The following TRPM6 variants were observed in gnomAD, a reference collection of about 807,000 sequenced individuals.
TRPM6 encodes the protein transient receptor potential cation channel subfamily M member 6.
A neutral mutation model predicts 247.6 loss-of-function variants in TRPM6; 111 were observed. That is an observed-to-expected ratio of 0.45 (90% CI 0.38 to 0.52). The LOEUF (loss-of-function observed/expected upper bound fraction) is 0.52. Ranked by LOEUF, TRPM6 falls within the 20% of genes least tolerant of loss-of-function variation. TRPM6 has a pLI of 0.00. For synonymous variants in TRPM6, 892 were observed against 853.8 expected (o/e 1.04, Z -0.78); for missense variants, 2,126 against 2,421.5 (o/e 0.88, Z 2.56).
At position 74,752,267 on chromosome 9, in the gene TRPM6, A is replaced by G. The variant is rs368240301; in HGVS notation, c.4998+10T>C. On this transcript the variant is annotated intron_variant, in intron 29 of 38. Transcript: ENST00000360774. ...AATGCTTTTTTTTTTAACTCCTAAA[A>G]TATTTTTACCTCTTGAGACTGCTTT... The G allele has an allele frequency of 6.5e-7, 1 of 1,528,916 alleles. No homozygotes were observed. Among genetic ancestry groups the G allele is most frequent in the Non-Finnish European group, 9.0e-7 (1 of 1,108,504 alleles). The allele number at this position is 1,528,916 out of a possible 1,614,324, so 94.7% of individuals were successfully genotyped here. A position where few individuals can be genotyped will look rare whatever the true frequency, so the allele number is the denominator to read the frequency against.
Position 74,722,692 on chromosome 9 carries a change from A to G in TRPM6, c.*1921T>C, listed in dbSNP as rs1397819932. 1 of 152,156 alleles carries G rather than the reference A, an allele frequency of 6.6e-6. No individual in the cohort carries two copies. Among genetic ancestry groups the G allele is most frequent in the Non-Finnish European group, 1.5e-5 (1 of 68,026 alleles). The allele number at this position is 152,156 out of a possible 1,614,324, so 9.4% of individuals were successfully genotyped here. Reference sequence around the variant, plus strand: ...AGGATAAAGTTGTTAAGTCCCCAAAAAAGTATTAACATTTTATCCTCATTG... The same window carrying G: ...AGGATAAAGTTGTTAAGTCCCCAAAGAAGTATTAACATTTTATCCTCATTG... On this transcript the variant is annotated 3_prime_UTR_variant, in exon 39 of 39. Transcript: ENST00000360774.
intron 11 of TRPM6, among the ~76,000 whole-genome samples, chr9:74,815,909 A>G (rs1373100090): frequency 6.6e-6 from 1 of 152,250 alleles, no homozygotes; most frequent in African/African-American, 2.4e-5. Context: ...TTTAAAATGA[A>G]TGTTAATAGT....
At chr9:74,776,471 C>G (rs1385775811) in intron 23 of TRPM6, among the ~76,000 whole-genome samples, 1 of 152,106 alleles carries the variant, frequency 6.6e-6, no homozygotes, top group Non-Finnish European at 1.5e-5. Context: ...TATCATCTAC[C>G]TAATGTCAAA....
rs777702496 is a variant in TRPM6 at position 74,821,745 on chromosome 9, G to T, written c.934C>A (p.Pro312Thr). 1.2e-6 allele frequency: 2 copies of T among 1,614,006 alleles called. No homozygotes were observed. The highest frequency in any genetic ancestry group is 1.7e-6 in the Non-Finnish European group (2 of 1,180,026). Reference protein sequence around the residue: ...SVWETVKDKDPVVVCEGTGRA... With the variant: ...SVWETVKDKDTVVVCEGTGRA... ...CCTGTGCCCTCACACACCACCACTG[G>T]GTCCTTGTCCTTGACAGTCTCCCAC... The change falls in exon 8 of 39, where the codon CCA becomes ACA. Residue 312 changes from proline to threonine, a missense_variant. By Grantham distance (38) the Pro-to-Thr change is conservative. This residue lies in a region of TRPM6 where 1,082 missense variants were observed against 1,307.9 expected (regional missense o/e 0.83). Transcript: ENST00000360774.
chr9:74,805,570 C>T (rs994927301), intron 14 of TRPM6, among the ~76,000 whole-genome samples: 4 of 152,214 alleles, frequency 2.6e-5, no homozygotes, highest in Admixed American at 6.5e-5. Context: ...GTGACAAATA[C>T]GTGCTATCTG....
At chr9:74,881,582 T>G (rs1831365726) in intron 1 of TRPM6, among the ~76,000 whole-genome samples, 1 of 152,156 alleles carries the variant, frequency 6.6e-6, no homozygotes, top group African/African-American at 2.4e-5. Context: ...TTAGACCAAA[T>G]GGACCTAATA....
At position 74,865,345 on chromosome 9, in the gene TRPM6, G is replaced by A. The variant is rs1005242398; in HGVS notation, c.34-6597C>T. ...GCGAAAGACATCCTTTTCCTCAGTTGTCACTCACGCTTCAGGGTTTAACCA... is the reference window on the plus strand; with the variant it reads ...GCGAAAGACATCCTTTTCCTCAGTTATCACTCACGCTTCAGGGTTTAACCA... On this transcript the variant is annotated intron_variant, in intron 1 of 38. Coordinates refer to ENST00000360774, the MANE Select transcript of TRPM6 (RefSeq NM_017662.5). Among the ~76,000 whole-genome samples, 4 of 152,152 alleles carry A rather than the reference G, an allele frequency of 2.6e-5. No homozygotes were observed. In the South Asian group the frequency reaches 8.3e-4, roughly 31 times the overall value.
chr9:74,887,310 A>G, intron 1 of TRPM6: 1 of 1,368,388 alleles, frequency 7.3e-7, no homozygotes, highest in Non-Finnish European at 9.4e-7. Flanking sequence ...GCGCGGAGGG[A>G]CGGCCGTCTG....
At position 74,782,722 on chromosome 9, in the gene TRPM6, T is replaced by A; in HGVS notation, c.3051A>T (p.Pro1017=). The change falls in exon 22 of 39, where the codon CCA becomes CCT. Residue 1017 remains proline (P), a synonymous_variant. Coordinates refer to ENST00000360774, the MANE Select transcript of TRPM6 (RefSeq NM_017662.5). ...WSLARDIVFE[P]YWMIYGEVYA... ...AGACTTCTCCGTATATCATCCAGTA[T>A]GGCTCAAATACAATATCTCGAGCTA... 6.2e-7 allele frequency: 1 copy of A among 1,614,222 alleles called. No individual in the cohort carries two copies. Among genetic ancestry groups the A allele is most frequent in the African/African-American group, 1.3e-5 (1 of 75,062 alleles).
chr9:74,884,658 T>C (rs564440770), intron 1 of TRPM6, among the ~76,000 whole-genome samples: 1 of 152,314 alleles, frequency 6.6e-6, no homozygotes, highest in East Asian at 1.9e-4. Context: ...GATTTCTATT[T>C]GTAGTATTTG....
intron 37 of TRPM6, among the ~76,000 whole-genome samples, chr9:74,730,431 C>A (rs894264169): frequency 6.6e-6 from 1 of 152,050 alleles, no homozygotes; most frequent in African/African-American, 2.4e-5. Flanking sequence ...TTTCATTGAC[C>A]CCTTCTCCTC....
chr9:74,881,161 C>A (rs543985954), intron 1 of TRPM6, among the ~76,000 whole-genome samples: 1 of 151,834 alleles, frequency 6.6e-6, no homozygotes, highest in South Asian at 2.1e-4. Context: ...AAAAAAAAGA[C>A]CCAACTATAT....
chr9:74,829,670 C>T (rs927362921), intron 6 of TRPM6, among the ~76,000 whole-genome samples: 3 of 151,862 alleles, frequency 2.0e-5, no homozygotes, highest in African/African-American at 4.8e-5. Context: ...TTTATAATTT[C>T]GAAGCATGAC....
At chr9:74,877,652 A>T (rs1831233877) in intron 1 of TRPM6, among the ~76,000 whole-genome samples, 1 of 152,142 alleles carries the variant, frequency 6.6e-6, no homozygotes. Context: ...CCAAACCATG[A>T]GCCATTGGCA....
Position 74,724,464 on chromosome 9 carries a change from A to G in TRPM6, c.*149T>C, listed in dbSNP as rs1825248707. On this transcript the variant is annotated 3_prime_UTR_variant, in exon 39 of 39. Coordinates refer to ENST00000360774, the MANE Select transcript of TRPM6 (RefSeq NM_017662.5). ...AGGAGAACCCATTGATCATATACCA[A>G]TGAGGCCTTTGAACAGAAGGAGATG... is the stretch of plus-strand genomic sequence containing the variant. The G allele has an allele frequency of 4.4e-6, 5 of 1,132,604 alleles. No homozygotes were observed. Among genetic ancestry groups the G allele is most frequent in the East Asian group, 2.4e-5 (1 of 41,456 alleles). 70.2% of individuals were successfully genotyped at this position (1,132,604 alleles called of 1,614,324 possible). A position where few individuals can be genotyped will look rare whatever the true frequency, so the allele number is the denominator to read the frequency against.
In TRPM6 at chr9:74,762,252, T is replaced by A. The variant is rs557393816; in HGVS notation, c.4419A>T (p.Gln1473His). Residue 1473 changes from glutamine to histidine, a missense_variant, in exon 26 of 39, where the codon CAA (glutamine) becomes CAT (histidine). This residue lies in a region of TRPM6 where 717 missense variants were observed against 715.9 expected (regional missense o/e 1.00). Coordinates refer to ENST00000360774, the MANE Select transcript of TRPM6 (RefSeq NM_017662.5). ...TGTCACAAGTGGAGGGCAAGCAGGT[T>A]TGCCACTTTTTCTTGATGCTAAACA... Reference protein sequence around the residue: ...TGVFSIKKKWQTCLPSTCDSD... With the variant: ...TGVFSIKKKWHTCLPSTCDSD... 1 of 1,614,152 alleles carries A rather than the reference T, an allele frequency of 6.2e-7. No homozygotes were observed. Among genetic ancestry groups the A allele is most frequent in the African/African-American group, 1.3e-5 (1 of 75,038 alleles).
chr9:74,730,516 T>C (rs905423231), intron 37 of TRPM6, among the ~76,000 whole-genome samples: 4 of 152,200 alleles, frequency 2.6e-5, no homozygotes, highest in African/African-American at 7.2e-5. Context: ...TTCCTTTCAT[T>C]GTTGTTGCAA....
At chr9:74,869,760 A>G (rs932870508) in intron 1 of TRPM6, among the ~76,000 whole-genome samples, 2 of 152,180 alleles carry the variant, frequency 1.3e-5, no homozygotes, top group East Asian at 3.8e-4. Flanking sequence ...GAGAATGAAG[A>G]TGCAATGAGC....
At chr9:74,861,290 A>G (rs1000047178) in intron 1 of TRPM6, among the ~76,000 whole-genome samples, 4 of 152,218 alleles carry the variant, frequency 2.6e-5, no homozygotes, top group African/African-American at 9.6e-5. Context: ...TGGGACTTCT[A>G]TTGCAAACGA....
Sources: gnomAD v4.1 joint callset for allele counts (sites outside exome capture counted in the v4.1 genomes callset) on GRCh38, gnomAD v4.1.1 for gene constraint, gnomAD v4.1.1 regional missense constraint, MANE v1.5 for transcripts, NCBI Gene and HGNC (gene_info 2026-07-23, HGNC 2026-07-21) for gene names.